Variants in COL21A1 observed in about 807,000 individuals in gnomAD.
COL21A1 encodes the protein collagen type XXI alpha 1 chain.
COL21A1 carries 149 observed loss-of-function variants against 137.9 expected under a neutral mutation model. That is an observed-to-expected ratio of 1.08 (90% CI 0.95 to 1.24). The LOEUF (loss-of-function observed/expected upper bound fraction) is 1.24. COL21A1 is among the 50% of genes most tolerant of loss of function. The probability of loss-of-function intolerance (pLI) is 0.00; values close to 1 mark genes in which losing one functional copy is unlikely to be tolerated. For missense variants in COL21A1, 1,167 were observed against 1,158.4 expected (o/e 1.01, Z -0.11); for synonymous variants, 456 against 391.5 (o/e 1.16, Z -1.95).
chr6:56,131,156 C>G (rs563138499), intron 12 of COL21A1, among the ~76,000 whole-genome samples: 1 of 151,808 alleles, frequency 6.6e-6, no homozygotes, highest in South Asian at 2.1e-4. Flanking sequence ...AAAACAATTA[C>G]TGAAGGTTGA....
chr6:56,325,279 T>A (rs1410346289), intron 1 of COL21A1, among the ~76,000 whole-genome samples: 1 of 34,794 alleles, frequency 2.9e-5, no homozygotes, highest in African/African-American at 1.0e-4. Context: ...GTATATTATA[T>A]AATATTATAT....
chr6:56,133,494 G>A (rs939074328), intron 12 of COL21A1, among the ~76,000 whole-genome samples: 8 of 152,186 alleles, frequency 5.3e-5, no homozygotes, highest in African/African-American at 1.9e-4. Flanking sequence ...GCCTGATAAT[G>A]TGATAGAAAA....
At chr6:56,266,866 T>A (rs1763405905) in intron 1 of COL21A1, among the ~76,000 whole-genome samples, 1 of 152,242 alleles carries the variant, frequency 6.6e-6, no homozygotes, top group Admixed American at 6.5e-5. Context: ...ATTTTACTAT[T>A]CCTTTCCTTT....
At chr6:56,169,840 A>G (rs1429344010) in intron 5 of COL21A1, among the ~76,000 whole-genome samples, 7 of 151,990 alleles carry the variant, frequency 4.6e-5, no homozygotes, top group Non-Finnish European at 8.8e-5. Context: ...AAGGTAAGAA[A>G]CATGCCTTAT....
intron 1 of COL21A1, among the ~76,000 whole-genome samples, chr6:56,292,464 G>A (rs1764071059): frequency 7.1e-6 from 1 of 141,578 alleles, no homozygotes; most frequent in African/African-American, 2.5e-5. Flanking sequence ...CAGGCATTAA[G>A]TTTTTGTTTT....
chr6:56,382,804 T>C (rs1351726496), intron 1 of COL21A1, among the ~76,000 whole-genome samples: 3 of 152,218 alleles, frequency 2.0e-5, no homozygotes, highest in African/African-American at 7.2e-5. Flanking sequence ...AATTAATTTC[T>C]ATTGCTTACA....
intron 3 of COL21A1, among the ~76,000 whole-genome samples, chr6:56,175,576 C>A (rs567046979): frequency 6.6e-6 from 1 of 151,642 alleles, no homozygotes; most frequent in Non-Finnish European, 1.5e-5. Context: ...ATAAACTTAA[C>A]CAAAGAATCA....
intron 17 of COL21A1, 50 bp downstream of exon 17, chr6:56,101,422 T>G: frequency 1.4e-6 from 2 of 1,379,704 alleles, no homozygotes; most frequent in South Asian, 2.5e-5. Context: ...AAGGATTTCG[T>G]AACAGGAAAA....
At chr6:56,124,547 A>C (rs1233411709) in intron 14 of COL21A1, among the ~76,000 whole-genome samples, 1 of 152,246 alleles carries the variant, frequency 6.6e-6, no homozygotes, top group Non-Finnish European at 1.5e-5. Context: ...GGCAAAATTA[A>C]AAAGCAATGG....
chr6:56,148,501 T>C (rs1775030604), intron 10 of COL21A1, among the ~76,000 whole-genome samples: 1 of 152,176 alleles, frequency 6.6e-6, no homozygotes, highest in African/African-American at 2.4e-5. Context: ...AATTCTCTTC[T>C]CCAAGCTAAA....
At chr6:56,200,459 C>A (rs1779310545) in intron 1 of COL21A1, among the ~76,000 whole-genome samples, 1 of 104,460 alleles carries the variant, frequency 9.6e-6, no homozygotes, top group Non-Finnish European at 1.8e-5. Flanking sequence ...TCCCCCCTCC[C>A]CCCACCCCAC....
chr6:56,213,088 A>C (rs1029432990), intron 1 of COL21A1, among the ~76,000 whole-genome samples: 1 of 152,096 alleles, frequency 6.6e-6, no homozygotes, highest in East Asian at 1.9e-4. Context: ...CCAGTCTGAT[A>C]TTCTGTGACT....
chr6:56,363,172 T>C (rs181281002), intron 1 of COL21A1, among the ~76,000 whole-genome samples: 4 of 152,296 alleles, frequency 2.6e-5, no homozygotes, highest in African/African-American at 4.8e-5. Context: ...AACGAATGCA[T>C]GATTTTGGAG....
At chr6:56,390,518 A>ATG (rs2094027354) in intron 1 of COL21A1, among the ~76,000 whole-genome samples, 2 of 151,524 alleles carry the variant, frequency 1.3e-5, no homozygotes, top group African/African-American at 2.4e-5. Flanking sequence ...ACACACACAC[A>ATG]CACACACACA....
At chr6:56,291,306 C>T (rs1764035652) in intron 1 of COL21A1, among the ~76,000 whole-genome samples, 1 of 152,116 alleles carries the variant, frequency 6.6e-6, no homozygotes, top group Non-Finnish European at 1.5e-5. Flanking sequence ...GTTTCTTGGC[C>T]AGTGCTGGGG....
At chr6:56,191,957 G>A (rs9475605) in intron 1 of COL21A1, among the ~76,000 whole-genome samples, 2,069 of 152,056 alleles carry the variant, frequency 0.014, 47 homozygotes, top group African/African-American at 0.046. Context: ...ACTATACTAC[G>A]AGGCTACAGT....
At chr6:56,148,490 T>C (rs558662394) in intron 10 of COL21A1, among the ~76,000 whole-genome samples, 1 of 152,296 alleles carries the variant, frequency 6.6e-6, no homozygotes, top group South Asian at 2.1e-4. Flanking sequence ...CCATCTCTTG[T>C]AATTCTCTTC....
intron 1 of COL21A1, among the ~76,000 whole-genome samples, chr6:56,275,749 A>T (rs1242897252): frequency 6.6e-6 from 1 of 152,200 alleles, no homozygotes; most frequent in Non-Finnish European, 1.5e-5. Context: ...CTATGGGAAA[A>T]GGGCATGCTT....
chr6:56,207,585 C>G (rs1582642866), intron 1 of COL21A1, among the ~76,000 whole-genome samples: 1 of 152,174 alleles, frequency 6.6e-6, no homozygotes, highest in Non-Finnish European at 1.5e-5. Flanking sequence ...GATGGATTCA[C>G]AGCCGAATTC....
Sources: gnomAD v4.1 joint callset for allele counts (sites outside exome capture counted in the v4.1 genomes callset) on GRCh38, gnomAD v4.1.1 for gene constraint, MANE v1.5 for transcripts, NCBI Gene and HGNC (gene_info 2026-07-23, HGNC 2026-07-21) for gene names.